The following DNAH8 variants were observed in gnomAD, a reference collection of about 807,000 sequenced individuals.
DNAH8 encodes axonemal beta dynein heavy chain 8.
DNAH8 carries 382 observed loss-of-function variants against 562.1 expected under a neutral mutation model. That is an observed-to-expected ratio of 0.68 (90% CI 0.63 to 0.74). The LOEUF (loss-of-function observed/expected upper bound fraction) is 0.74, where lower values mean the gene tolerates loss of function less well. DNAH8 is among the 30% of genes least tolerant of loss of function. The pLI is 0.00. For synonymous variants in DNAH8, 1,881 were observed against 1,919.4 expected, an observed-to-expected ratio of 0.98 and a Z score of 0.52; for missense variants, 5,203 against 5,620.4, an observed-to-expected ratio of 0.93 and a Z score of 2.37.
At chr6:38,745,888 G>T (rs1764886027) in intron 8 of DNAH8, among the ~76,000 whole-genome samples, 1 of 152,196 alleles carries the variant, frequency 6.6e-6, no homozygotes, top group Non-Finnish European at 1.5e-5. Flanking sequence ...GCTCTTCCCA[G>T]TACGACTTAC....
intron 82 of DNAH8, among the ~76,000 whole-genome samples, chr6:38,958,159 G>A (rs540417959): frequency 1.4e-5 from 2 of 144,496 alleles, no homozygotes; most frequent in East Asian, 2.0e-4. Context: ...CAGCCACCAC[G>A]CCTGACTAAT....
intron 26 of DNAH8, among the ~76,000 whole-genome samples, chr6:38,817,569 GT>G (rs1210574420): frequency 1.3e-5 from 2 of 152,170 alleles, no homozygotes; most frequent in Non-Finnish European, 2.9e-5. Context: ...ATGGACTTCT[GT>G]TTCACTACAG....
intron 12 of DNAH8, among the ~76,000 whole-genome samples, chr6:38,774,417 TG>T (rs1767868942): frequency 6.6e-6 from 1 of 151,960 alleles, no homozygotes; most frequent in African/African-American, 2.4e-5. Context: ...GATTGAACAT[TG>T]ATAGAGAGAT....
At position 38,926,054 on chromosome 6, in the gene DNAH8, G is replaced by A. The variant is rs376903331; in HGVS notation, c.10963-1G>A. The A allele has an allele frequency of 1.5e-5, 24 of 1,612,600 alleles. No individual in the cohort carries two copies. Among genetic ancestry groups the A allele is most frequent in the Non-Finnish European group, 1.8e-5 (21 of 1,179,352 alleles). ...GGTGATATCCATTTCCTGTTGTTCA[G>A]ATTGGTGAGTGGGGGCTACAGGGAT... On this transcript the variant is annotated splice_acceptor_variant, in intron 73 of 92. Transcript: ENST00000327475. LOFTEE classifies it high-confidence loss of function.
intron 92 of DNAH8, among the ~76,000 whole-genome samples, chr6:39,028,865 T>C (rs1767476364): frequency 6.6e-6 from 1 of 152,216 alleles, no homozygotes. Flanking sequence ...TGCCTCCGTT[T>C]TTGGTTCAAA....
intron 66 of DNAH8, among the ~76,000 whole-genome samples, 184 bp downstream of exon 66, chr6:38,911,770 C>G (rs1309958533): frequency 6.6e-6 from 1 of 152,162 alleles, no homozygotes; most frequent in African/African-American, 2.4e-5. Context: ...AGAAGAAAAT[C>G]TAAACAGAAG....
In DNAH8 at chr6:39,012,241, C is replaced by A. The variant is rs553120865; in HGVS notation, c.13398C>A (p.Gly4466=). ...HEVKSRLIKM[G]HLNSMNIFLR... is the part of the protein sequence containing the mutation. ...TGAAATCTCGTTTGATAAAGATGGG[C>A]CATCTTAATTCAATGAACATATTTC... Residue 4466 remains glycine, a synonymous_variant, in exon 90 of 93, where the codon GGC becomes GGA. Transcript: ENST00000327475. 93 of 1,608,854 alleles carry A rather than the reference C, an allele frequency of 5.8e-5. No individual in the cohort carries two copies. The South Asian group carries it at 1.0e-3, about 17-fold the overall frequency.
At chr6:38,756,256 A>G (rs1035611072) in intron 10 of DNAH8, among the ~76,000 whole-genome samples, 177 bp downstream of exon 10, 2 of 152,170 alleles carry the variant, frequency 1.3e-5, no homozygotes, top group Non-Finnish European at 2.9e-5. Context: ...TGAAGGGAGT[A>G]ATTGGTACTT....
chr6:38,764,842 T>TA (rs111267711), intron 11 of DNAH8: 33,613 of 149,808 alleles, frequency 0.22, 4,135 homozygotes, highest in East Asian at 0.48. Context: ...ATTTTTTAAA[T>TA]GTTTTTTTTT....
In DNAH8 at chr6:38,887,010, A is replaced by G; in HGVS notation, c.8473+6A>G. The G allele has an allele frequency of 6.3e-7, 1 of 1,574,838 alleles. No individual in the cohort carries two copies. The highest frequency in any genetic ancestry group is 1.1e-5 in the South Asian group (1 of 90,146). ...TTCAATAGACAAAATTTTTGGTATG[A>G]ATATTCTTAGCGTTTATTTTATTGC... On this transcript the variant is annotated splice_donor_region_variant and intron_variant, in intron 57 of 92. Coordinates refer to ENST00000327475, the MANE Select transcript of DNAH8 (RefSeq NM_001206927.2).
chr6:38,750,572 C>G lies in DNAH8; in HGVS notation c.1390C>G (p.Leu464Val). ...LYTLEKVCQPLYNHDLVSMAH... is the reference protein window; with the variant it reads ...LYTLEKVCQPVYNHDLVSMAH... ...TACTTTGGAAAAAGTGTGTCAACCT[C>G]TCTATAACCATGACCTAGTAAGTAT... Residue 464 changes from leucine to valine, a missense_variant, in exon 9 of 93, where the codon CTC becomes GTC. By Grantham distance (32) the Leu-to-Val change is conservative (BLOSUM62 1). This residue lies in a region of DNAH8 where 2,176 missense variants were observed against 2,365.1 expected (regional missense o/e 0.92). Transcript: ENST00000327475. The G allele has an allele frequency of 6.2e-7, 1 of 1,602,066 alleles. No individual in the cohort carries two copies. Among genetic ancestry groups the G allele is most frequent in the South Asian group, 1.1e-5 (1 of 90,146 alleles).
chr6:38,984,149 GT>G, intron 86 of DNAH8, 56 bp from the exon 87 acceptor site: 1 of 1,034,132 alleles, frequency 9.7e-7, no homozygotes, highest in Non-Finnish European at 1.5e-6. Context: ...GACCCGAAAT[GT>G]TTATAATGAT....
At chr6:38,965,603 A>G (rs1016337990) in intron 82 of DNAH8, among the ~76,000 whole-genome samples, 1 of 152,224 alleles carries the variant, frequency 6.6e-6, no homozygotes, top group Non-Finnish European at 1.5e-5. Context: ...AAATTTTACT[A>G]AAGTCTTTCA....
At chr6:39,024,942 C>G (rs1051520430) in intron 91 of DNAH8, among the ~76,000 whole-genome samples, 1 of 152,210 alleles carries the variant, frequency 6.6e-6, no homozygotes, top group African/African-American at 2.4e-5. Flanking sequence ...AAAGGCCCTT[C>G]TTTACCACAC....
chr6:38,779,986 C>A lies in DNAH8; in HGVS notation c.2060C>A (p.Pro687His). 6.2e-7 allele frequency: 1 copy of A among 1,613,892 alleles called. No individual in the cohort carries two copies. The highest frequency in any genetic ancestry group is 8.5e-7 in the Non-Finnish European group (1 of 1,179,944). Residue 687 changes from proline to histidine, a missense_variant, in exon 15 of 93, where the codon CCC (proline) becomes CAC (histidine). This residue lies in a region of DNAH8 where 2,176 missense variants were observed against 2,365.1 expected (regional missense o/e 0.92). Coordinates refer to ENST00000327475, the MANE Select transcript of DNAH8 (RefSeq NM_001206927.2). ...TTTAGGTTTCAGAAGCTGAACATTC[C>A]CTGTCTGGGATTAGAAATAAACCAC... ...LLQRFQKLNI[P>H]CLGLEINHTI... is the part of the protein sequence containing the mutation.
Position 38,722,990 on chromosome 6 carries a change from T to C in DNAH8, c.181T>C (p.Tyr61His). 6.2e-7 allele frequency: 1 copy of C among 1,612,732 alleles called. No individual in the cohort carries two copies. Among genetic ancestry groups the C allele is most frequent in the Non-Finnish European group, 8.5e-7 (1 of 1,179,764 alleles). The change falls in exon 2 of 93, where the codon TAT becomes CAT. Residue 61 changes from tyrosine (Y) to histidine (H), a missense_variant. This residue lies in a region of DNAH8 where 556 missense variants were observed against 496.9 expected (regional missense o/e 1.12). Coordinates refer to ENST00000327475, the MANE Select transcript of DNAH8 (RefSeq NM_001206927.2). ...AGATGCTGTTTCTTCTGTGGTGGAT[T>C]ATCGGGATCTCATTCCTTCTGAAGA... ...AEDAVSSVVD[Y>H]RDLIPSEEGI...
chr6:38,773,794 A>AG (rs1410382948), intron 12 of DNAH8, among the ~76,000 whole-genome samples: 1 of 152,196 alleles, frequency 6.6e-6, no homozygotes, highest in Non-Finnish European at 1.5e-5. Context: ...GGGGTACGGA[A>AG]GGGGCAACTG....
At chr6:38,716,193 C>A (rs1268663940) in intron 1 of DNAH8, among the ~76,000 whole-genome samples, 2 of 150,778 alleles carry the variant, frequency 1.3e-5, no homozygotes, top group African/African-American at 4.9e-5. Context: ...GATCTCCTGA[C>A]CTTGTGATCC....
chr6:38,732,514 G>A (rs142864700), intron 4 of DNAH8, among the ~76,000 whole-genome samples: 2 of 152,292 alleles, frequency 1.3e-5, no homozygotes, highest in African/African-American at 4.8e-5. Context: ...AACAGAAATA[G>A]GTCTGGCTTA....
Sources: allele counts gnomAD v4.1 joint callset (sites outside exome capture counted in the v4.1 genomes callset), GRCh38; gene constraint gnomAD v4.1.1; regional missense constraint gnomAD v4.1.1; transcripts MANE v1.5; gene names NCBI Gene and HGNC (gene_info 2026-07-23, HGNC 2026-07-21).